The following BRD7 variants were observed in gnomAD, a reference collection of about 807,000 sequenced individuals.
BRD7 encodes the protein bromodomain containing 7.
Under a neutral mutation model 82.1 loss-of-function variants are expected in BRD7, and 15 were observed. That is an observed-to-expected ratio of 0.18 (90% CI 0.12 to 0.28). BRD7 has a LOEUF of 0.28. Among genes scored for constraint, BRD7 ranks in the 10% least tolerant of loss-of-function variants. BRD7 has a pLI of 1.00. For missense variants in BRD7, 638 were observed against 779.9 expected, an observed-to-expected ratio of 0.82 and a Z score of 2.17; for synonymous variants, 232 against 266.9, an observed-to-expected ratio of 0.87 and a Z score of 1.27.
chr16:50,319,834 A>G lies in BRD7; in HGVS notation c.1900+53T>C. ...ACCAATCTCGGGCAGACACTGAGGGATGACTATAGTCACCATAGCTTTCTG... is the reference window on the plus strand; with the variant it reads ...ACCAATCTCGGGCAGACACTGAGGGGTGACTATAGTCACCATAGCTTTCTG... On this transcript the variant is annotated intron_variant, in intron 16 of 16. Transcript: ENST00000394688. 5 of 1,570,146 alleles carry G rather than the reference A, an allele frequency of 3.2e-6. No homozygotes were observed. The South Asian group carries it at 5.9e-5, about 19-fold the overall frequency.
intron 5 of BRD7, 27 bp from the exon 6 acceptor site, chr16:50,340,113 A>G: frequency 7.5e-7 from 1 of 1,333,024 alleles, no homozygotes; most frequent in East Asian, 2.6e-5. Context: ...AAGGGAGAAA[A>G]TGCATTAATG....
chr16:50,336,518 C>T (rs1490874287), intron 6 of BRD7, among the ~76,000 whole-genome samples: 5 of 152,104 alleles, frequency 3.3e-5, no homozygotes, highest in South Asian at 2.1e-4. Context: ...GCCGAGATTG[C>T]GCCACTGCAC....
In BRD7 at chr16:50,341,928, T is replaced by TCACACACACACACA. The variant is rs375793137; in HGVS notation, c.592-1856_592-1843dup. ...AAAGCTGAGTCTTCCTGCACACTTTTCACACACACACACACACACACACAC... is the reference window on the plus strand; with the variant it reads ...AAAGCTGAGTCTTCCTGCACACTTTTCACACACACACACACACACACACACACACACACACACAC... On this transcript the variant is annotated intron_variant, in intron 5 of 16. Transcript: ENST00000394688. Among the ~76,000 whole-genome samples the TCACACACACACACA allele has an allele frequency of 1.6e-3, 234 of 143,652 alleles. 1 individual carries two copies. Among genetic ancestry groups the TCACACACACACACA allele is most frequent in the East Asian group, 5.8e-3 (28 of 4,792 alleles). 94.2% of individuals were successfully genotyped at this position (143,652 alleles called of 152,430 possible).
chr16:50,367,906 A>G (rs1022394645), intron 2 of BRD7, among the ~76,000 whole-genome samples, 184 bp downstream of exon 2: 4 of 152,226 alleles, frequency 2.6e-5, no homozygotes, highest in African/African-American at 9.7e-5. Flanking sequence ...GCCTAAGAGT[A>G]TAATCCAAAA....
intron 5 of BRD7, chr16:50,349,768 T>C (rs2038444031): frequency 2.5e-6 from 1 of 403,168 alleles, no homozygotes; most frequent in South Asian, 2.4e-5. Context: ...GGAAAAAATA[T>C]ACTGTGGAAC....
chr16:50,348,232 C>G, intron 5 of BRD7, among the ~76,000 whole-genome samples: 1 of 152,174 alleles, frequency 6.6e-6, no homozygotes, highest in Non-Finnish European at 1.5e-5. Context: ...AACTGGATCC[C>G]TTCCTTACAC....
intron 2 of BRD7, among the ~76,000 whole-genome samples, chr16:50,355,457 C>G (rs759126130): frequency 7.2e-5 from 11 of 152,228 alleles, no homozygotes; most frequent in Non-Finnish European, 1.0e-4. Flanking sequence ...TACGTCTTAC[C>G]AGATATTATT....
intron 5 of BRD7, among the ~76,000 whole-genome samples, chr16:50,342,845 A>G (rs973507476): frequency 6.6e-6 from 1 of 152,174 alleles, no homozygotes; most frequent in Non-Finnish European, 1.5e-5. Context: ...GGTAAAACAG[A>G]TATTATCTAA....
chr16:50,328,559 A>G, intron 9 of BRD7, 110 bp downstream of exon 9: 1 of 867,898 alleles, frequency 1.2e-6, no homozygotes, highest in Admixed American at 2.9e-5. Context: ...CTTTGTGCAT[A>G]ATGACACAGA....
chr16:50,323,543 G>A (rs749646514), intron 12 of BRD7, 44 bp downstream of exon 12: 3 of 1,364,682 alleles, frequency 2.2e-6, no homozygotes, highest in Non-Finnish European at 2.1e-6. Context: ...TAATGCTTGA[G>A]AGTCGATAAT....
intron 8 of BRD7, among the ~76,000 whole-genome samples, chr16:50,332,166 C>G (rs1842740781): frequency 6.6e-6 from 1 of 152,116 alleles, no homozygotes; most frequent in South Asian, 2.1e-4. Flanking sequence ...AGCTTCTGAA[C>G]AGCCAAAGAA....
At chr16:50,360,457 G>A (rs2038896055) in intron 2 of BRD7, among the ~76,000 whole-genome samples, 1 of 152,190 alleles carries the variant, frequency 6.6e-6, no homozygotes, top group African/African-American at 2.4e-5. Context: ...CCTGGCAGCT[G>A]CACATCATTT....
intron 8 of BRD7, among the ~76,000 whole-genome samples, chr16:50,332,547 T>C (rs2037612235): frequency 6.6e-6 from 1 of 152,230 alleles, no homozygotes; most frequent in African/African-American, 2.4e-5. Flanking sequence ...GGTGAGAATG[T>C]AAATTAGTTC....
Position 50,316,172 on chromosome 16 carries a change from T to C in BRD7, c.*3039A>G, listed in dbSNP as rs1441854685. The C allele has an allele frequency of 6.6e-6, 1 of 152,574 alleles. No homozygotes were observed. The highest frequency in any genetic ancestry group is 6.5e-5 in the Admixed American group (1 of 15,290). 9.5% of individuals were successfully genotyped at this position (152,574 alleles called of 1,614,324 possible). ...TTTCAGACACTAGACATAAATCTCT[T>C]CCCTCCAGTGTATGCTCTGCCTTTT... On this transcript the variant is annotated 3_prime_UTR_variant, in exon 17 of 17. Transcript: ENST00000394688.
At chr16:50,347,174 A>C (rs2151182521) in intron 5 of BRD7, among the ~76,000 whole-genome samples, 1 of 152,340 alleles carries the variant, frequency 6.6e-6, no homozygotes, top group African/African-American at 2.4e-5. Context: ...TGATTATCTC[A>C]ATAGATGCAG....
At chr16:50,338,731 C>T (rs1197001571) in intron 6 of BRD7, among the ~76,000 whole-genome samples, 2 of 152,132 alleles carry the variant, frequency 1.3e-5, no homozygotes, top group Non-Finnish European at 2.9e-5. Context: ...ATCTTGGAGA[C>T]CACAGACTAA....
At chr16:50,332,348 C>A (rs1433616910) in intron 8 of BRD7, among the ~76,000 whole-genome samples, 2 of 152,150 alleles carry the variant, frequency 1.3e-5, no homozygotes, top group Non-Finnish European at 2.9e-5. Context: ...AGGCAAAGGA[C>A]ATGAACAGAC....
rs576716493 is a variant in BRD7 at position 50,344,202 on chromosome 16, C to T, written c.592-4116G>A. On this transcript the variant is annotated intron_variant, in intron 5 of 16. Coordinates refer to ENST00000394688, the MANE Select transcript of BRD7 (RefSeq NM_013263.5). ...ACAGACCTGCAGCTGAGGGTCCTGA[C>T]TGTTAGAAGAAAAACTAACAAATAG... 3.3e-3 allele frequency among the ~76,000 whole-genome samples: 506 copies of T among 152,330 alleles called. 1 individual carries two copies. The highest frequency in any genetic ancestry group is 0.011 in the African/African-American group (476 of 41,578).
chr16:50,342,898 T>G (rs1376307396), intron 5 of BRD7, among the ~76,000 whole-genome samples: 1 of 152,142 alleles, frequency 6.6e-6, no homozygotes, highest in Admixed American at 6.6e-5. Flanking sequence ...TAAATTTTAA[T>G]ATACATGGTT....
Sources: gnomAD v4.1 joint callset for allele counts (sites outside exome capture counted in the v4.1 genomes callset) on GRCh38, gnomAD v4.1.1 for gene constraint, MANE v1.5 for transcripts, NCBI Gene and HGNC (gene_info 2026-07-23, HGNC 2026-07-21) for gene names.